The following AKAP6 variants were observed in gnomAD, a reference collection of about 807,000 sequenced individuals.
AKAP6 encodes A-kinase anchoring protein 6.
AKAP6 carries 58 observed loss-of-function variants against 188.5 expected under a neutral mutation model. The ratio of observed to expected loss-of-function variants is 0.31; its 90% CI spans 0.25 to 0.38. The LOEUF is 0.38. AKAP6 is among the 10% of genes least tolerant of loss of function. AKAP6 has a pLI of 1.00. For missense variants in AKAP6, 2,710 were observed against 2,740.0 expected (o/e 0.99, Z 0.24); for synonymous variants, 989 against 998.6 (o/e 0.99, Z 0.18).
At chr14:32,378,141 C>A (rs1197110623) in intron 1 of AKAP6, among the ~76,000 whole-genome samples, 2 of 151,990 alleles carry the variant, frequency 1.3e-5, no homozygotes, top group Non-Finnish European at 2.9e-5. Context: ...ATTAAAATGG[C>A]AATATTTTGC....
intron 1 of AKAP6, among the ~76,000 whole-genome samples, chr14:32,350,822 AT>A (rs1388168812): frequency 1.3e-5 from 2 of 152,134 alleles, no homozygotes; most frequent in Non-Finnish European, 2.9e-5. Context: ...ATACAGATTT[AT>A]TTTTTAAAAA....
intron 12 of AKAP6, among the ~76,000 whole-genome samples, chr14:32,789,701 C>G (rs1198411707): frequency 7.2e-5 from 11 of 152,172 alleles, no homozygotes; most frequent in Admixed American, 6.5e-5. Flanking sequence ...AAAAAAGACC[C>G]TACAAAAACC....
At chr14:32,462,970 C>A (rs1175319361) in intron 2 of AKAP6, among the ~76,000 whole-genome samples, 1 of 87,856 alleles carries the variant, frequency 1.1e-5, no homozygotes, top group Non-Finnish European at 2.0e-5. Context: ...GTCTTTAAGC[C>A]AACAAAGATT....
intron 4 of AKAP6, among the ~76,000 whole-genome samples, chr14:32,563,254 A>G (rs531415353): frequency 5.3e-5 from 8 of 152,316 alleles, no homozygotes; most frequent in South Asian, 2.1e-4. Flanking sequence ...TGTGTAAACC[A>G]TGTCTCAGCT....
chr14:32,394,376 T>C (rs1888805994), intron 1 of AKAP6, among the ~76,000 whole-genome samples: 1 of 152,164 alleles, frequency 6.6e-6, no homozygotes, highest in African/African-American at 2.4e-5. Context: ...TGGTTATAAC[T>C]TTAGGGAGAT....
intron 5 of AKAP6, among the ~76,000 whole-genome samples, chr14:32,589,451 T>C (rs1885389276): frequency 6.6e-6 from 1 of 152,212 alleles, no homozygotes; most frequent in Non-Finnish European, 1.5e-5. Context: ...ATTTTGAGGT[T>C]GGTATGTGGG....
chr14:32,835,783 G>T lies in AKAP6; in HGVS notation c.*5978G>T, dbSNP rs890137366. On this transcript the variant is annotated 3_prime_UTR_variant, in exon 14 of 14. Coordinates refer to ENST00000280979, the MANE Select transcript of AKAP6 (RefSeq NM_004274.5). Reference sequence around the variant, plus strand: ...TCTTTTCTTTCTTAAATTCACCTTTGATAGCACTGCCACACTTCTGGGAAG... The same window carrying T: ...TCTTTTCTTTCTTAAATTCACCTTTTATAGCACTGCCACACTTCTGGGAAG... 6.6e-6 allele frequency: 1 copy of T among 152,202 alleles called. No individual in the cohort carries two copies. Among genetic ancestry groups the T allele is most frequent in the African/African-American group, 2.4e-5 (1 of 41,442 alleles). 9.4% of individuals were successfully genotyped at this position (152,202 alleles called of 1,614,324 possible). A position where few individuals can be genotyped will look rare whatever the true frequency, so the allele number is the denominator to read the frequency against.
At chr14:32,773,955 T>G (rs1172890759) in intron 12 of AKAP6, 62 bp downstream of exon 12, 1 of 1,531,468 alleles carries the variant, frequency 6.5e-7, no homozygotes, top group East Asian at 2.3e-5. Context: ...AATAATTCTT[T>G]CAGGCTTGGA....
At chr14:32,331,302 T>A (rs994126631) in intron 1 of AKAP6, among the ~76,000 whole-genome samples, 1 of 152,084 alleles carries the variant, frequency 6.6e-6, no homozygotes, top group Non-Finnish European at 1.5e-5. Context: ...ATGGTTGATT[T>A]GTTCAATTAC....
intron 3 of AKAP6, among the ~76,000 whole-genome samples, chr14:32,540,131 G>GCTCTCTCTCTCTCTCTCT (rs1216788649): frequency 1.7e-4 from 11 of 66,476 alleles, no homozygotes; most frequent in African/African-American, 7.8e-4. Flanking sequence ...TTGCTCGTGC[G>GCTCTCTCTCTCTCTCTCT]CTCTCTCTCT....
chr14:32,594,500 G>T (rs534440223), intron 5 of AKAP6, among the ~76,000 whole-genome samples: 1 of 152,200 alleles, frequency 6.6e-6, no homozygotes, highest in African/African-American at 2.4e-5. Context: ...CCGATTCTTG[G>T]TATATATGGC....
chr14:32,677,045 C>T (rs1455210986), intron 7 of AKAP6, among the ~76,000 whole-genome samples: 1 of 152,162 alleles, frequency 6.6e-6, no homozygotes, highest in East Asian at 1.9e-4. Context: ...AGGCTGGTCT[C>T]AAACTCCTGA....
At chr14:32,767,196 G>A (rs1184995933) in intron 11 of AKAP6, among the ~76,000 whole-genome samples, 1 of 152,036 alleles carries the variant, frequency 6.6e-6, no homozygotes, top group African/African-American at 2.4e-5. Context: ...AGTCTTGATT[G>A]TATGAACATT....
intron 2 of AKAP6, among the ~76,000 whole-genome samples, chr14:32,439,740 A>T (rs967793005): frequency 2.7e-5 from 4 of 150,390 alleles, no homozygotes; most frequent in African/African-American, 7.5e-5. Context: ...TAAATTCTTG[A>T]TAAGGGGAAG....
At chr14:32,801,998 C>G (rs2033964065) in intron 12 of AKAP6, among the ~76,000 whole-genome samples, 1 of 152,058 alleles carries the variant, frequency 6.6e-6, no homozygotes, top group Non-Finnish European at 1.5e-5. Context: ...GGTATTTATC[C>G]TGCTTCCTGG....
intron 11 of AKAP6, among the ~76,000 whole-genome samples, chr14:32,764,788 G>A (rs2032655258): frequency 6.6e-6 from 1 of 152,086 alleles, no homozygotes. Context: ...CTTTTAAAAT[G>A]TGTGGCACAC....
intron 1 of AKAP6, among the ~76,000 whole-genome samples, chr14:32,369,468 C>T (rs7145111): frequency 0.79 from 120,324 of 152,242 alleles, 50,312 homozygotes; most frequent in East Asian, 0.99. Flanking sequence ...TTTTCTAAAC[C>T]GTTAATTTGG....
At chr14:32,536,092 C>T (rs934146448) in intron 3 of AKAP6, among the ~76,000 whole-genome samples, 1 of 152,192 alleles carries the variant, frequency 6.6e-6, no homozygotes. Context: ...GTATTGAGTA[C>T]TTACTATGTG....
At chr14:32,463,071 C>T (rs1262834250) in intron 2 of AKAP6, among the ~76,000 whole-genome samples, 1 of 151,032 alleles carries the variant, frequency 6.6e-6, no homozygotes, top group Non-Finnish European at 1.5e-5. Context: ...CATATATGCA[C>T]CCAATACAGC....
Sources: allele counts gnomAD v4.1 joint callset (sites outside exome capture counted in the v4.1 genomes callset), GRCh38; gene constraint gnomAD v4.1.1; transcripts MANE v1.5; gene names NCBI Gene and HGNC (gene_info 2026-07-23, HGNC 2026-07-21).